Variants in SPATC1L observed in about 807,000 individuals in gnomAD.
SPATC1L encodes speriolin-like protein.
Under a neutral mutation model 21.2 loss-of-function variants are expected in SPATC1L, and 20 were observed. That is an observed-to-expected ratio of 0.94 (90% CI 0.66 to 1.37). The LOEUF (loss-of-function observed/expected upper bound fraction) is 1.37, where lower values mean the gene tolerates loss of function less well. Among genes scored for constraint, SPATC1L ranks in the 40% most tolerant of loss-of-function variants. SPATC1L has a pLI of 0.00. For synonymous variants in SPATC1L, 290 were observed against 234.5 expected, an observed-to-expected ratio of 1.24 and a Z score of -2.16; for missense variants, 499 against 478.7, an observed-to-expected ratio of 1.04 and a Z score of -0.40.
chr21:46,169,622 A>G (rs1601383072), intron 2 of SPATC1L, among the ~76,000 whole-genome samples: 1 of 75,398 alleles, frequency 1.3e-5, no homozygotes, highest in Non-Finnish European at 2.5e-5. Context: ...GTGGATGGGG[A>G]GGAGCCCCTG....
rs2079692957 is a variant in SPATC1L at position 46,183,368 on chromosome 21, TGAG to T, written c.-555_-553del. ...AGGGTCCGTCCTTGGCACCCACACT[TGAG>T]GAGGGAGGGACTGGCAAGGGCAGTG... is the stretch of plus-strand genomic sequence containing the variant. On this transcript the variant is annotated 5_prime_UTR_variant, in exon 2 of 5. Transcript: ENST00000291672. 1.2e-5 allele frequency: 2 copies of T among 168,226 alleles called. No individual in the cohort carries two copies. Among genetic ancestry groups the T allele is most frequent in the East Asian group, 1.9e-4 (1 of 5,278 alleles). 10.4% of individuals were successfully genotyped at this position (168,226 alleles called of 1,614,324 possible).
chr21:46,162,271 C>T (rs1471481757), intron 3 of SPATC1L, among the ~76,000 whole-genome samples: 1 of 152,184 alleles, frequency 6.6e-6, no homozygotes, highest in Non-Finnish European at 1.5e-5. Context: ...TCCCCCTGTC[C>T]TCGGCTCCCT....
chr21:46,161,506 C>G lies in SPATC1L; in HGVS notation c.896G>C (p.Ser299Thr). The G allele has an allele frequency of 6.2e-7, 1 of 1,608,196 alleles. No individual in the cohort carries two copies. Among genetic ancestry groups the G allele is most frequent in the Non-Finnish European group, 8.5e-7 (1 of 1,177,336 alleles). ...GACCAGCTTGCGCAGCGCGGCCGGGCTGCTGTGCAGGGGGTTGGCGCGCAG... is the reference window on the plus strand; with the variant it reads ...GACCAGCTTGCGCAGCGCGGCCGGGGTGCTGTGCAGGGGGTTGGCGCGCAG... Reference protein sequence around the residue: ...PDLRANPLHSSPAALRKLVID... With the variant: ...PDLRANPLHSTPAALRKLVID... The change falls in exon 5 of 5, where the codon AGC becomes ACC. Residue 299 changes from serine to threonine, a missense_variant. Transcript: ENST00000291672.
At chr21:46,162,100 G>C in intron 3 of SPATC1L, 33 bp from the exon 4 acceptor site, 1 of 1,530,832 alleles carries the variant, frequency 6.5e-7, no homozygotes, top group Non-Finnish European at 8.8e-7. Flanking sequence ...CAAGGTCAGG[G>C]GAGCGCGAGG....
intron 2 of SPATC1L, 62 bp from the exon 3 acceptor site, chr21:46,168,720 T>C: frequency 3.4e-6 from 4 of 1,190,678 alleles, no homozygotes; most frequent in South Asian, 2.8e-5. Flanking sequence ...TCCTGGGAAG[T>C]ATAAAGAACA....
rs150151395 is a variant in SPATC1L, at chr21:46,177,814, G to A, written c.193+4810C>T. ...CATTTTATTATAGAGACACATGCAC[G>A]CATATGTTCACTGCAGACTATTCAC... On this transcript the variant is annotated intron_variant, in intron 2 of 4. Coordinates refer to ENST00000291672, the MANE Select transcript of SPATC1L (RefSeq NM_001142854.2). Among the ~76,000 whole-genome samples the A allele has an allele frequency of 3.2e-3, 492 of 152,274 alleles. 31 individuals carry two copies. In the South Asian group the frequency reaches 0.088, roughly 27 times the overall value.
At chr21:46,172,186 G>T (rs201241402) in intron 2 of SPATC1L, among the ~76,000 whole-genome samples, 37 of 87,618 alleles carry the variant, frequency 4.2e-4, no homozygotes, top group African/African-American at 1.2e-3. Context: ...AGAGCGTGAG[G>T]CGGAGGATGC....
At chr21:46,182,066 C>T (rs1237401615) in intron 2 of SPATC1L, among the ~76,000 whole-genome samples, 2 of 152,194 alleles carry the variant, frequency 1.3e-5, no homozygotes, top group African/African-American at 2.4e-5. Context: ...CTCCCAGCCC[C>T]GCAGGGACAG....
In SPATC1L at chr21:46,161,594, C is replaced by T. The variant is rs74518516; in HGVS notation, c.808G>A (p.Val270Met). ...RLEKLGYSRDVHPAFSEFLIN... is the reference protein window; with the variant it reads ...RLEKLGYSRDMHPAFSEFLIN... ...AGGAACTCGCTGAACGCCGGGTGCA[C>T]GTCGCGGCTGTAGCCCAGCTTCTCC... The change falls in exon 5 of 5, where the codon GTG (valine) becomes ATG (methionine). Residue 270 changes from valine to methionine, a missense_variant. Coordinates refer to ENST00000291672, the MANE Select transcript of SPATC1L (RefSeq NM_001142854.2). 2 of 1,610,260 alleles carry T rather than the reference C, an allele frequency of 1.2e-6. No individual in the cohort carries two copies. Among genetic ancestry groups the T allele is most frequent in the East Asian group, 2.2e-5 (1 of 44,810 alleles).
In SPATC1L at chr21:46,164,660, C is replaced by T. The variant is rs534152179; in HGVS notation, c.545-2593G>A. Among the ~76,000 whole-genome samples the T allele has an allele frequency of 3.1e-3, 471 of 151,930 alleles. 4 individuals are homozygous for T. Among genetic ancestry groups the T allele is most frequent in the East Asian group, 0.01 (54 of 5,150 alleles). On this transcript the variant is annotated intron_variant, in intron 3 of 4. Coordinates refer to ENST00000291672, the MANE Select transcript of SPATC1L (RefSeq NM_001142854.2). ...TACAAAAATTAGCCAGGCATGGTGGCGGGTGCCTGTAATCCCAGCTACTGA... is the reference window on the plus strand; with the variant it reads ...TACAAAAATTAGCCAGGCATGGTGGTGGGTGCCTGTAATCCCAGCTACTGA...
At chr21:46,174,351 A>AC (rs1569002519) in intron 2 of SPATC1L, among the ~76,000 whole-genome samples, 2 of 144,870 alleles carry the variant, frequency 1.4e-5, no homozygotes, top group Non-Finnish European at 3.0e-5. Context: ...AAACAAAAAA[A>AC]AAAAAAAAAC....
chr21:46,170,888 AACATCCTCT>A (rs2079583412), intron 2 of SPATC1L, among the ~76,000 whole-genome samples: 1 of 148,114 alleles, frequency 6.8e-6, no homozygotes, highest in African/African-American at 2.6e-5. Flanking sequence ...CTGCTCTGTG[AACATCCTCT>A]GTGGATGGGG....
At position 46,182,720 on chromosome 21, in the gene SPATC1L, G is replaced by A. The variant is rs780631215; in HGVS notation, c.97C>T (p.Arg33Trp). 1.4e-5 allele frequency: 21 copies of A among 1,546,646 alleles called. No homozygotes were observed. Among genetic ancestry groups the A allele is most frequent in the Admixed American group, 3.9e-5 (2 of 50,952 alleles). ...RLLKENQMLR[R>W]LLSQSCQEGG... ...TCCTGGCAGCTCTGGCTGAGCAGCC[G>A]CCGCAGCATCTGATTCTCCTTCAGG... Residue 33 changes from arginine to tryptophan, a missense_variant, in exon 2 of 5, where the codon CGG (arginine) becomes TGG (tryptophan). Physicochemically the swap from Arg to Trp is moderately radical, Grantham distance 101 (BLOSUM62 -3). Coordinates refer to ENST00000291672, the MANE Select transcript of SPATC1L (RefSeq NM_001142854.2).
At chr21:46,168,836 G>C (rs2079560837) in intron 2 of SPATC1L, among the ~76,000 whole-genome samples, 178 bp from the exon 3 acceptor site, 1 of 152,194 alleles carries the variant, frequency 6.6e-6, no homozygotes, top group Non-Finnish European at 1.5e-5. Context: ...AAAAGGAGGA[G>C]CTGGATGTGG....
intron 3 of SPATC1L, among the ~76,000 whole-genome samples, chr21:46,163,413 A>G (rs570309589): frequency 2.2e-4 from 34 of 152,280 alleles, no homozygotes; most frequent in African/African-American, 7.9e-4. Context: ...CTAAGAATCC[A>G]TTGCCAAATC....
intron 3 of SPATC1L, among the ~76,000 whole-genome samples, chr21:46,163,722 A>T (rs942289818): frequency 7.2e-5 from 11 of 152,190 alleles, no homozygotes; most frequent in African/African-American, 2.7e-4. Flanking sequence ...GCAGTACCAC[A>T]GTCTTGTTAA....
intron 2 of SPATC1L, among the ~76,000 whole-genome samples, chr21:46,181,340 G>T (rs1264266622): frequency 6.6e-6 from 1 of 152,146 alleles, no homozygotes; most frequent in Admixed American, 6.5e-5. Flanking sequence ...CAGGCGCCAG[G>T]TTCCCCAGCC....
chr21:46,168,492 G>A lies in SPATC1L; in HGVS notation c.360C>T (p.Pro120=), dbSNP rs776404445. ...SQAPFKAFLS[P]PEPHSHRGTD... is the part of the protein sequence containing the mutation. ...TGCCTCGGTGGCTATGTGGCTCTGG[G>A]GGACTGAGGAAGGCCTTGAAGGGTG... is the stretch of plus-strand genomic sequence containing the variant. Residue 120 remains proline (P), a synonymous_variant, in exon 3 of 5, where the codon CCC becomes CCT. Transcript: ENST00000291672. The A allele has an allele frequency of 1.3e-6, 2 of 1,565,066 alleles. No individual in the cohort carries two copies. Among genetic ancestry groups the A allele is most frequent in the Non-Finnish European group, 1.7e-6 (2 of 1,154,488 alleles).
At chr21:46,163,137 G>A (rs2079515209) in intron 3 of SPATC1L, among the ~76,000 whole-genome samples, 2 of 152,244 alleles carry the variant, frequency 1.3e-5, no homozygotes, top group African/African-American at 2.4e-5. Flanking sequence ...CTTCTTTGGA[G>A]AAATATCTAT....
Sources: gnomAD v4.1 joint callset for allele counts (sites outside exome capture counted in the v4.1 genomes callset) on GRCh38, gnomAD v4.1.1 for gene constraint, MANE v1.5 for transcripts, NCBI Gene and HGNC (gene_info 2026-07-23, HGNC 2026-07-21) for gene names.